Variants in LEPR observed in about 807,000 individuals in gnomAD.
The protein encoded by LEPR is leptin receptor, also known as OB receptor.
A neutral mutation model predicts 114.7 loss-of-function variants in LEPR; 56 were observed. The observed-to-expected ratio is 0.49, with a 90% CI of 0.39 to 0.61. The LOEUF is 0.61. LEPR is among the 20% of genes least tolerant of loss of function. The probability of loss-of-function intolerance (pLI) is 0.00; values close to 1 mark genes in which losing one functional copy is unlikely to be tolerated. For missense variants in LEPR, 1,202 were observed against 1,352.9 expected (o/e 0.89, Z 1.75); for synonymous variants, 443 against 461.4 (o/e 0.96, Z 0.51).
At chr1:65,581,737 T>A (rs1655002979) in intron 5 of LEPR, among the ~76,000 whole-genome samples, 1 of 152,176 alleles carries the variant, frequency 6.6e-6, no homozygotes. Flanking sequence ...TTAAGGGCCC[T>A]TTCTTCAATG....
chr1:65,577,067 T>C (rs3790427), intron 5 of LEPR: 55,706 of 212,454 alleles, frequency 0.26, 9,139 homozygotes, highest in East Asian at 0.81. Flanking sequence ...AGTTGAATCC[T>C]CCACGGACAA....
At chr1:65,450,047 G>C (rs994851027) in intron 2 of LEPR, among the ~76,000 whole-genome samples, 2 of 152,056 alleles carry the variant, frequency 1.3e-5, no homozygotes, top group African/African-American at 4.8e-5. Context: ...TAATCTCCAT[G>C]TATTTTGGAA....
chr1:65,501,614 A>G (rs1227475859), intron 2 of LEPR, among the ~76,000 whole-genome samples: 1 of 151,984 alleles, frequency 6.6e-6, no homozygotes, highest in African/African-American at 2.4e-5. Flanking sequence ...ACTTGAACAC[A>G]TCTTTTGGGG....
intron 18 of LEPR, among the ~76,000 whole-genome samples, chr1:65,622,577 C>T (rs1275766898): frequency 6.6e-6 from 1 of 152,170 alleles, no homozygotes; most frequent in Non-Finnish European, 1.5e-5. Flanking sequence ...GATGGGGCCA[C>T]ATCAAATGGA....
At chr1:65,542,877 G>C (rs1651342729) in intron 2 of LEPR, among the ~76,000 whole-genome samples, 1 of 151,898 alleles carries the variant, frequency 6.6e-6, no homozygotes, top group Non-Finnish European at 1.5e-5. Context: ...TGGCCATTTG[G>C]GTTGGTTCCA....
chr1:65,439,620 C>G (rs1646620862), intron 2 of LEPR, among the ~76,000 whole-genome samples: 1 of 151,942 alleles, frequency 6.6e-6, no homozygotes, highest in Non-Finnish European at 1.5e-5. Context: ...AGTTCAAGAC[C>G]AGCCTGGCCA....
intron 2 of LEPR, among the ~76,000 whole-genome samples, chr1:65,464,861 A>G (rs1646989716): frequency 6.6e-6 from 1 of 152,068 alleles, no homozygotes; most frequent in Non-Finnish European, 1.5e-5. Context: ...TTTCTGTGGG[A>G]TTGGTGGTGA....
At chr1:65,595,136 T>C (rs763598437) in intron 6 of LEPR, among the ~76,000 whole-genome samples, 30 of 149,798 alleles carry the variant, frequency 2.0e-4, no homozygotes, top group African/African-American at 6.7e-4. Context: ...ATGTAAGCTG[T>C]TTTGAACAAA....
chr1:65,640,247 A>G lies in LEPR; in HGVS notation c.*3232A>G, dbSNP rs1427772575. 2 of 152,194 alleles carry G rather than the reference A, an allele frequency of 1.3e-5. No individual in the cohort carries two copies. Among genetic ancestry groups the G allele is most frequent in the African/African-American group, 4.8e-5 (2 of 41,460 alleles). 9.4% of individuals were successfully genotyped at this position (152,194 alleles called of 1,614,324 possible). A position where few individuals can be genotyped will look rare whatever the true frequency, so the allele number is the denominator to read the frequency against. ...CAGGGCTCACAGGCGGAGTTGGACA[A>G]TATGCTGATGGATCAAGACATACTG... is the stretch of plus-strand genomic sequence containing the variant. On this transcript the variant is annotated 3_prime_UTR_variant, in exon 20 of 20. Transcript: ENST00000349533.
intron 14 of LEPR, among the ~76,000 whole-genome samples, chr1:65,614,397 C>A (rs1657397004): frequency 6.6e-6 from 1 of 152,150 alleles, no homozygotes; most frequent in Admixed American, 6.5e-5. Context: ...ACCTGTATTA[C>A]AAGTGTATGA....
rs553569015 is a variant in LEPR, at chr1:65,498,002, C to T, written c.-20-67544C>T. Among the ~76,000 whole-genome samples the T allele has an allele frequency of 9.2e-5, 14 of 152,192 alleles. No homozygotes were observed. In the East Asian group the frequency reaches 2.1e-3, roughly 23 times the overall value. The stretch of plus-strand genomic sequence containing the variant: ...GACATCTTTTGAAAACATCTTAGTG[C>T]GTTACTGTCCCCTGTCCCTGATAAA... On this transcript the variant is annotated intron_variant, in intron 2 of 19. Coordinates refer to ENST00000349533, the MANE Select transcript of LEPR (RefSeq NM_002303.6).
At chr1:65,422,683 C>T (rs1195483078) in intron 1 of LEPR, among the ~76,000 whole-genome samples, 1 of 152,204 alleles carries the variant, frequency 6.6e-6, no homozygotes, top group African/African-American at 2.4e-5. Context: ...GAGGACAGCA[C>T]GTGACATGGC....
chr1:65,456,346 T>C (rs1183586247), intron 2 of LEPR, among the ~76,000 whole-genome samples: 1 of 152,132 alleles, frequency 6.6e-6, no homozygotes, highest in East Asian at 1.9e-4. Flanking sequence ...TTGATGGTGT[T>C]GTTGAGTTCA....
Position 65,578,588 on chromosome 1 carries a change from A to G in LEPR, c.494+6139A>G, listed in dbSNP as rs74084051. ...CCCAAATGGGATGATGCTATGTCAC[A>G]GTTGTCATTATGTTTTCTGTGCAAC... On this transcript the variant is annotated intron_variant, in intron 5 of 19. Coordinates refer to ENST00000349533, the MANE Select transcript of LEPR (RefSeq NM_002303.6). 1.3e-3 allele frequency among the ~76,000 whole-genome samples: 200 copies of G among 152,300 alleles called. 1 individual carries two copies. Among genetic ancestry groups the G allele is most frequent in the African/African-American group, 4.6e-3 (193 of 41,566 alleles).
rs1658768240 is a variant in LEPR, at chr1:65,638,025, C to A, written c.*1010C>A. Reference sequence around the variant, plus strand: ...TTTAACCTATACCCTACATAGCCATCAATTTAAAAAAACTGACTTGTAATC... The same window carrying A: ...TTTAACCTATACCCTACATAGCCATAAATTTAAAAAAACTGACTTGTAATC... On this transcript the variant is annotated 3_prime_UTR_variant, in exon 20 of 20. Transcript: ENST00000349533. 1 of 152,056 alleles carries A rather than the reference C, an allele frequency of 6.6e-6. No individual in the cohort carries two copies. The highest frequency in any genetic ancestry group is 1.5e-5 in the Non-Finnish European group (1 of 68,008). 9.4% of individuals were successfully genotyped at this position (152,056 alleles called of 1,614,324 possible).
At chr1:65,621,074 C>T (rs1476565895) in intron 17 of LEPR, among the ~76,000 whole-genome samples, 2 of 151,702 alleles carry the variant, frequency 1.3e-5, no homozygotes, top group African/African-American at 4.8e-5. Flanking sequence ...CACTTTGGCC[C>T]ATTATAATGT....
At chr1:65,429,083 A>G (rs1020393270) in intron 2 of LEPR, among the ~76,000 whole-genome samples, 3 of 152,226 alleles carry the variant, frequency 2.0e-5, no homozygotes, top group African/African-American at 4.8e-5. Flanking sequence ...AGACTAATCT[A>G]TCAGATGGGA....
intron 6 of LEPR, 53 bp downstream of exon 6, chr1:65,592,918 A>C: frequency 6.3e-7 from 1 of 1,590,682 alleles, no homozygotes; most frequent in South Asian, 1.1e-5. Context: ...GTCATATATA[A>C]AGGTTAAAAA....
intron 2 of LEPR, among the ~76,000 whole-genome samples, chr1:65,476,915 C>G (rs1169203215): frequency 6.6e-6 from 1 of 152,102 alleles, no homozygotes; most frequent in African/African-American, 2.4e-5. Context: ...CTCAGAATTG[C>G]TTGGTGGGGT....
Sources: gnomAD v4.1 joint callset for allele counts (sites outside exome capture counted in the v4.1 genomes callset) on GRCh38, gnomAD v4.1.1 for gene constraint, MANE v1.5 for transcripts, NCBI Gene and HGNC (gene_info 2026-07-23, HGNC 2026-07-21) for gene names.